Variants in DCC observed in about 807,000 individuals in gnomAD.
The protein encoded by DCC is DCC netrin 1 receptor, also known as netrin receptor DCC.
Under a neutral mutation model 172.5 loss-of-function variants are expected in DCC, and 58 were observed. The ratio of observed to expected loss-of-function variants is 0.34; its 90% CI spans 0.27 to 0.42. DCC has a LOEUF of 0.42. Among genes scored for constraint, DCC ranks in the 10% least tolerant of loss-of-function variants. The probability of loss-of-function intolerance (pLI) is 1.00; values close to 1 mark genes in which losing one functional copy is unlikely to be tolerated. For synonymous variants in DCC, 709 were observed against 644.5 expected (o/e 1.10, Z -1.52); for missense variants, 1,740 against 1,791.0 (o/e 0.97, Z 0.51).
At chr18:52,608,135 ACTT>A (rs1367895431) in intron 1 of DCC, among the ~76,000 whole-genome samples, 1 of 151,854 alleles carries the variant, frequency 6.6e-6, no homozygotes, top group African/African-American at 2.4e-5. Context: ...TAACCTCTCA[ACTT>A]CTGTGTCTGT....
intron 1 of DCC, among the ~76,000 whole-genome samples, chr18:52,587,416 C>T (rs2033699963): frequency 6.6e-6 from 1 of 152,194 alleles, no homozygotes; most frequent in African/African-American, 2.4e-5. Context: ...TATTAAAATC[C>T]TCCTCTGCTA....
At chr18:52,683,831 A>G (rs1215867624) in intron 1 of DCC, among the ~76,000 whole-genome samples, 3 of 152,120 alleles carry the variant, frequency 2.0e-5, no homozygotes, top group Admixed American at 1.3e-4. Context: ...ATGTACATGT[A>G]CAGTGGGTAA....
intron 1 of DCC, among the ~76,000 whole-genome samples, chr18:52,554,972 C>G (rs935579809): frequency 6.6e-6 from 1 of 151,954 alleles, no homozygotes; most frequent in Non-Finnish European, 1.5e-5. Context: ...AGAATTTAGG[C>G]TTGGCATAAG....
At chr18:53,001,460 C>A (rs2041563556) in intron 5 of DCC, among the ~76,000 whole-genome samples, 1 of 152,010 alleles carries the variant, frequency 6.6e-6, no homozygotes. Flanking sequence ...TCATCAAGAC[C>A]TTTTCTCTTC....
At chr18:53,352,202 A>C (rs1248611660) in intron 15 of DCC, among the ~76,000 whole-genome samples, 1 of 152,238 alleles carries the variant, frequency 6.6e-6, no homozygotes, top group Middle Eastern at 3.4e-3. Flanking sequence ...GACACAGCCT[A>C]AAGTTTCTGA....
Position 52,783,323 on chromosome 18 carries a change from C to CTTTTTTTTTTTTTTTT in DCC, c.412+30972_412+30987dup, listed in dbSNP as rs374129823. ...ACTAAAAATAATTTATACTACTACTCTTTTTTTTTTTTTTTTTTTTTTTTT... is the reference window on the plus strand; with the variant it reads ...ACTAAAAATAATTTATACTACTACTCTTTTTTTTTTTTTTTTTTTTTTTTTTTTTTTTTTTTTTTTT... On this transcript the variant is annotated intron_variant, in intron 2 of 28. Coordinates refer to ENST00000442544, the MANE Select transcript of DCC (RefSeq NM_005215.4). 1.7e-3 allele frequency among the ~76,000 whole-genome samples: 102 copies of CTTTTTTTTTTTTTTTT among 59,250 alleles called. 18 individuals are homozygous for CTTTTTTTTTTTTTTTT. The highest frequency in any genetic ancestry group is 2.6e-3 in the Admixed American group (11 of 4,178). 38.9% of individuals were successfully genotyped at this position (59,250 alleles called of 152,430 possible).
intron 2 of DCC, among the ~76,000 whole-genome samples, chr18:52,854,701 A>G (rs1436639648): frequency 6.6e-6 from 1 of 152,204 alleles, no homozygotes; most frequent in Non-Finnish European, 1.5e-5. Flanking sequence ...CCTTGTAAGC[A>G]CTTGCTTGTA....
At chr18:53,397,010 G>A (rs546974974) in intron 17 of DCC, among the ~76,000 whole-genome samples, 24 of 151,668 alleles carry the variant, frequency 1.6e-4, no homozygotes, top group Non-Finnish European at 3.4e-4. Flanking sequence ...TGATCATATG[G>A]AAAATATGCT....
chr18:52,696,748 T>C (rs1469902089), intron 1 of DCC, among the ~76,000 whole-genome samples: 1 of 152,098 alleles, frequency 6.6e-6, no homozygotes, highest in Non-Finnish European at 1.5e-5. Flanking sequence ...AAAAGTAGTA[T>C]TTTGGGAGAT....
Position 53,340,085 on chromosome 18 carries a change from C to T in DCC, c.2359+178C>T, listed in dbSNP as rs140611242. Among the ~76,000 whole-genome samples the T allele has an allele frequency of 2.8e-3, 395 of 140,862 alleles. 3 individuals carry two copies. Among genetic ancestry groups the T allele is most frequent in the African/African-American group, 9.5e-3 (374 of 39,392 alleles). 92.4% of individuals were successfully genotyped at this position (140,862 alleles called of 152,430 possible). On this transcript the variant is annotated intron_variant, in intron 15 of 28. Coordinates refer to ENST00000442544, the MANE Select transcript of DCC (RefSeq NM_005215.4). Reference sequence around the variant, plus strand: ...ACACACACACACACACATACACACACACACAGGCACACATATACATTTCTT... The same window carrying T: ...ACACACACACACACACATACACACATACACAGGCACACATATACATTTCTT...
chr18:53,338,227 T>C (rs2057613516), intron 14 of DCC, among the ~76,000 whole-genome samples: 1 of 152,226 alleles, frequency 6.6e-6, no homozygotes, highest in Admixed American at 6.5e-5. Context: ...GCAGGTTTAA[T>C]GTCTGCCATA....
At chr18:52,683,808 A>C (rs9960959) in intron 1 of DCC, among the ~76,000 whole-genome samples, 15,830 of 152,094 alleles carry the variant, frequency 0.1, 1,638 homozygotes, top group African/African-American at 0.26. Context: ...AAAGAAAAAA[A>C]GTCTTATGTC....
intron 7 of DCC, among the ~76,000 whole-genome samples, chr18:53,112,324 TCTG>T (rs1051632540): frequency 7.3e-5 from 11 of 151,520 alleles, no homozygotes; most frequent in African/African-American, 2.4e-4. Flanking sequence ...GAATATATAC[TCTG>T]CTAAGTACTT....
At chr18:52,727,040 T>C (rs1022141141) in intron 1 of DCC, among the ~76,000 whole-genome samples, 3 of 152,204 alleles carry the variant, frequency 2.0e-5, no homozygotes, top group East Asian at 1.9e-4. Context: ...GTCTCACATA[T>C]AACTCAGATG....
intron 1 of DCC, among the ~76,000 whole-genome samples, chr18:52,497,510 T>C (rs2030848307): frequency 7.0e-6 from 1 of 143,608 alleles, no homozygotes; most frequent in Non-Finnish European, 1.5e-5. Context: ...TTGCTTGATA[T>C]AGTTTTCTTT....
rs187626696 is a variant in DCC, at chr18:53,479,737, C to T, written c.3737-7060C>T. Reference sequence around the variant, plus strand: ...GAGTATAAAAAGTATACCAACTTAGCTTCTAGAAAGAGTTTCTATTGCAAT... The same window carrying T: ...GAGTATAAAAAGTATACCAACTTAGTTTCTAGAAAGAGTTTCTATTGCAAT... On this transcript the variant is annotated intron_variant, in intron 25 of 28. Transcript: ENST00000442544. 1.7e-3 allele frequency among the ~76,000 whole-genome samples: 262 copies of T among 152,266 alleles called. 2 individuals are homozygous for T. The highest frequency in any genetic ancestry group is 6.0e-3 in the African/African-American group (251 of 41,556).
chr18:53,120,065 A>G (rs2043461902), intron 7 of DCC, among the ~76,000 whole-genome samples: 2 of 151,980 alleles, frequency 1.3e-5, no homozygotes, highest in South Asian at 2.1e-4. Context: ...TAAACAGTGT[A>G]CAAGTCATGG....
intron 5 of DCC, among the ~76,000 whole-genome samples, chr18:52,977,824 G>T (rs2041145180): frequency 1.3e-5 from 2 of 151,032 alleles, no homozygotes; most frequent in South Asian, 2.1e-4. Context: ...GGCAGAGCTT[G>T]CAGTGAGCCA....
At chr18:52,834,570 A>C (rs879688506) in intron 2 of DCC, among the ~76,000 whole-genome samples, 1 of 152,144 alleles carries the variant, frequency 6.6e-6, no homozygotes, top group Non-Finnish European at 1.5e-5. Context: ...TGAACATCTT[A>C]ATTTCTAACA....
Sources: gnomAD v4.1 joint callset for allele counts (sites outside exome capture counted in the v4.1 genomes callset) on GRCh38, gnomAD v4.1.1 for gene constraint, MANE v1.5 for transcripts, NCBI Gene and HGNC (gene_info 2026-07-23, HGNC 2026-07-21) for gene names.